The following CIITA variants were observed in gnomAD, a reference collection of about 807,000 sequenced individuals.
CIITA encodes class II major histocompatibility complex transactivator.
CIITA carries 72 observed loss-of-function variants against 115.1 expected under a neutral mutation model. The observed-to-expected ratio is 0.63, with a 90% CI of 0.52 to 0.76. CIITA has a LOEUF of 0.76. CIITA is among the 30% of genes least tolerant of loss of function. The pLI is 0.00. For missense variants in CIITA, 1,617 were observed against 1,463.8 expected (o/e 1.10, Z -1.71); for synonymous variants, 763 against 635.6 (o/e 1.20, Z -3.02).
upstream of CIITA, among the ~76,000 whole-genome samples, chr16:10,875,773 C>T (rs115423759): frequency 0.01 from 1,569 of 152,088 alleles, 36 homozygotes; most frequent in African/African-American, 0.035. Context: ...TGGGCACACT[C>T]GATCCTCCCA....
At chr16:10,911,116 G>C (rs539532001) in intron 13 of CIITA, among the ~76,000 whole-genome samples, 1 of 152,270 alleles carries the variant, frequency 6.6e-6, no homozygotes, top group Non-Finnish European at 1.5e-5. Context: ...GGGTCACTGA[G>C]GAGGGGCAGC....
intron 1 of CIITA, among the ~76,000 whole-genome samples, chr16:10,889,005 A>G (rs889132759): frequency 1.3e-5 from 2 of 152,220 alleles, no homozygotes; most frequent in Non-Finnish European, 1.5e-5. Flanking sequence ...GAGTCATGTC[A>G]TTTGGTACCT....
chr16:10,901,532 C>T lies in CIITA; in HGVS notation c.455C>T (p.Pro152Leu), dbSNP rs774695473. The stretch of plus-strand genomic sequence containing the variant: ...TCTGCAGCCTTCCCAGAGGAGCTTC[C>T]GGCAGACCTGAAGCACTGGAAGCCA... Reference protein sequence around the residue: ...SQKRPFPEELPADLKHWKPAE... With the variant: ...SQKRPFPEELLADLKHWKPAE... Residue 152 changes from proline (P) to leucine (L), a missense_variant, in exon 6 of 20, where the codon CCG becomes CTG. Transcript: ENST00000324288. The surrounding 1 kb of genome is among the most constrained non-coding windows in gnomAD (Gnocchi z 6.8). The T allele has an allele frequency of 4.1e-5, 66 of 1,613,910 alleles. No individual in the cohort carries two copies. Among genetic ancestry groups the T allele is most frequent in the East Asian group, 4.5e-5 (2 of 44,882 alleles).
At chr16:10,884,104 T>C (rs889337066) in intron 1 of CIITA, among the ~76,000 whole-genome samples, 1 of 136,510 alleles carries the variant, frequency 7.3e-6, no homozygotes, top group Admixed American at 1.1e-4. Context: ...TATGACATTA[T>C]AGTATCACAC....
chr16:10,890,546 C>T (rs2037458056), intron 1 of CIITA, among the ~76,000 whole-genome samples: 1 of 152,214 alleles, frequency 6.6e-6, no homozygotes, highest in African/African-American at 2.4e-5. Context: ...CTTGGACTCC[C>T]AAAGTGCTGG....
At chr16:10,908,199 G>T (rs1429201435) in intron 11 of CIITA, 50 bp downstream of exon 11, 15 of 1,547,546 alleles carry the variant, frequency 9.7e-6, no homozygotes, top group Non-Finnish European at 1.3e-5. Context: ...GGCATTAACT[G>T]CGGTCTTGGT....
Position 10,923,350 on chromosome 16 carries a change from G to GC in CIITA, c.*22+25_*22+26insC. 7.4e-7 allele frequency: 1 copy of GC among 1,346,118 alleles called. No individual in the cohort carries two copies. Among genetic ancestry groups the GC allele is most frequent in the Non-Finnish European group, 1.1e-6 (1 of 943,916 alleles). The allele number at this position is 1,346,118 out of a possible 1,614,324, so 83.4% of individuals were successfully genotyped here. On this transcript the variant is annotated intron_variant, in intron 19 of 19. Coordinates refer to ENST00000324288, the MANE Select transcript of CIITA (RefSeq NM_000246.4). The surrounding 1 kb of genome is among the most constrained non-coding windows in gnomAD (Gnocchi z 5.2). ...GGTAACCAGGGTGGGCTTGGGAGGG[G>GC]AGAGCCGCAGTGGGTTGGGGGCAGT...
chr16:10,889,190 C>A (rs1437256446), intron 1 of CIITA, among the ~76,000 whole-genome samples: 2 of 152,182 alleles, frequency 1.3e-5, no homozygotes, highest in African/African-American at 2.4e-5. Flanking sequence ...TCAGGGCCAT[C>A]TTTTCCCTCC....
rs1268150588 is a variant in CIITA, at chr16:10,926,099, C to T, written c.*2244C>T. 6.6e-6 allele frequency: 1 copy of T among 152,270 alleles called. No homozygotes were observed. 9.4% of individuals were successfully genotyped at this position (152,270 alleles called of 1,614,324 possible). A position where few individuals can be genotyped will look rare whatever the true frequency, so the allele number is the denominator to read the frequency against. On this transcript the variant is annotated 3_prime_UTR_variant, in exon 20 of 20. Coordinates refer to ENST00000324288, the MANE Select transcript of CIITA (RefSeq NM_000246.4). Reference sequence around the variant, plus strand: ...GCAGTGGGAGCTGCCTGTTCAGCTCCAGCTCACCAGCCCCAGTGCCCACAG... The same window carrying T: ...GCAGTGGGAGCTGCCTGTTCAGCTCTAGCTCACCAGCCCCAGTGCCCACAG...
At chr16:10,881,065 G>A (rs747545520) in intron 1 of CIITA, among the ~76,000 whole-genome samples, 11 of 152,148 alleles carry the variant, frequency 7.2e-5, no homozygotes, top group Non-Finnish European at 1.6e-4. Flanking sequence ...CTTGAGGCCA[G>A]GAGTTCAAGA....
At chr16:10,902,587 A>G (rs2038857268) in intron 7 of CIITA, 71 bp from the exon 8 acceptor site, 27 of 1,600,498 alleles carry the variant, frequency 1.7e-5, no homozygotes, top group Non-Finnish European at 2.3e-5. Flanking sequence ...ACATTAATCA[A>G]ATAAGCAAAA....
At chr16:10,867,200 C>T (rs1006623395) in intron 1 of CIITA, among the ~76,000 whole-genome samples, 1 of 151,630 alleles carries the variant, frequency 6.6e-6, no homozygotes, top group Non-Finnish European at 1.5e-5. Context: ...GCCGAGATCA[C>T]GCTACTGCAC....
Position 10,907,038 on chromosome 16 carries a change from G to T in CIITA, c.1546G>T (p.Gly516Ter). ...AGATGGCTTCCTGCACAGCACGTGC[G>T]GACCGGCACCGGCGGAGCCCTGCTC... is the stretch of plus-strand genomic sequence containing the variant. ...AQDGFLHSTCGPAPAEPCSLR... is the reference protein window; with the variant it reads ...AQDGFLHSTC Residue 516 changes from glycine to a stop codon, truncating the protein, a stop_gained, in exon 11 of 20, where the codon GGA becomes TGA. Coordinates refer to ENST00000324288, the MANE Select transcript of CIITA (RefSeq NM_000246.4). LOFTEE classifies it high-confidence loss of function. This position sits in a 1 kb window ranked among gnomAD's most constrained non-coding sequence, Gnocchi z 5.0. 1 of 1,607,614 alleles carries T rather than the reference G, an allele frequency of 6.2e-7. No homozygotes were observed. Among genetic ancestry groups the T allele is most frequent in the Non-Finnish European group, 8.5e-7 (1 of 1,179,910 alleles).
At position 10,907,202 on chromosome 16, in the gene CIITA, C is replaced by T; in HGVS notation, c.1710C>T (p.Ser570=). Residue 570 remains serine, a synonymous_variant, in exon 11 of 20, where the codon TCC becomes TCT. Coordinates refer to ENST00000324288, the MANE Select transcript of CIITA (RefSeq NM_000246.4). This position sits in a 1 kb window ranked among gnomAD's most constrained non-coding sequence, Gnocchi z 5.0. Reference sequence around the variant, plus strand: ...CCCTATTTGAGCTGTCCGGCTTCTCCATGGAGCAGGCCCAGGCATACGTGA... The same window carrying T: ...CCCTATTTGAGCTGTCCGGCTTCTCTATGGAGCAGGCCCAGGCATACGTGA... ...ADALFELSGF[S]MEQAQAYVMR... The T allele has an allele frequency of 1.2e-6, 2 of 1,613,386 alleles. No homozygotes were observed. Among genetic ancestry groups the T allele is most frequent in the Non-Finnish European group, 1.7e-6 (2 of 1,179,948 alleles).
intron 1 of CIITA, among the ~76,000 whole-genome samples, chr16:10,877,740 A>G (rs528212299): frequency 6.6e-6 from 1 of 152,260 alleles, no homozygotes; most frequent in African/African-American, 2.4e-5. Context: ...CCTCTGCAGG[A>G]CGGGACCTCT....
chr16:10,872,473 T>C (rs2035555563), upstream of CIITA, among the ~76,000 whole-genome samples: 1 of 152,254 alleles, frequency 6.6e-6, no homozygotes, highest in Admixed American at 6.5e-5. Context: ...TCTATTTATA[T>C]CTACTGTCTA....
At chr16:10,882,442 A>C (rs1349637231) in intron 1 of CIITA, among the ~76,000 whole-genome samples, 1 of 152,182 alleles carries the variant, frequency 6.6e-6, no homozygotes, top group African/African-American at 2.4e-5. Flanking sequence ...AAGAATTAAG[A>C]AAGGGGCCTG....
At chr16:10,921,783 G>C (rs1396255238) in intron 16 of CIITA, among the ~76,000 whole-genome samples, 4 of 152,140 alleles carry the variant, frequency 2.6e-5, no homozygotes, top group African/African-American at 7.2e-5. Context: ...CTGGGTCTTG[G>C]TTTGCCTGTC....
At chr16:10,885,053 G>A (rs759404266) in intron 1 of CIITA, among the ~76,000 whole-genome samples, 8 of 152,174 alleles carry the variant, frequency 5.3e-5, no homozygotes, top group Non-Finnish European at 8.8e-5. Flanking sequence ...ATGTGTCCAG[G>A]CAGAAGGCAA....
Sources: allele counts gnomAD v4.1 joint callset (sites outside exome capture counted in the v4.1 genomes callset), GRCh38; gene constraint gnomAD v4.1.1; non-coding constraint Gnocchi (gnomAD v3.1); transcripts MANE v1.5; gene names NCBI Gene and HGNC (gene_info 2026-07-23, HGNC 2026-07-21).